The following RBFOX1 variants were observed in gnomAD, a reference collection of about 807,000 sequenced individuals.
RBFOX1 encodes the protein RNA binding protein fox-1 homolog 1.
Under a neutral mutation model 57.7 loss-of-function variants are expected in RBFOX1, and 8 were observed. The observed-to-expected ratio is 0.14, with a 90% CI of 0.08 to 0.25. The LOEUF is 0.25. Among genes scored for constraint, RBFOX1 ranks in the 10% least tolerant of loss-of-function variants. The pLI is 1.00. For synonymous variants in RBFOX1, 326 were observed against 222.4 expected (o/e 1.47, Z -4.15); for missense variants, 611 against 548.5 (o/e 1.11, Z -1.14).
intron 1 of RBFOX1, among the ~76,000 whole-genome samples, chr16:6,025,670 T>G (rs2095177236): frequency 6.6e-6 from 1 of 152,102 alleles, no homozygotes; most frequent in Non-Finnish European, 1.5e-5. Flanking sequence ...GATTCTCCCA[T>G]TGGTAGGTGT....
chr16:6,590,533 G>A (rs1268033152), intron 2 of RBFOX1, among the ~76,000 whole-genome samples: 1 of 152,124 alleles, frequency 6.6e-6, no homozygotes, highest in African/African-American at 2.4e-5. Flanking sequence ...TTCAATGAGA[G>A]CCCCCTGCGA....
At chr16:5,259,783 G>C (rs555800648) in intron 1 of RBFOX1, among the ~76,000 whole-genome samples, 1 of 152,200 alleles carries the variant, frequency 6.6e-6, no homozygotes, top group Non-Finnish European at 1.5e-5. Flanking sequence ...TGCCAAAAGC[G>C]TTTTGTGGGA....
chr16:6,924,929 C>T (rs979731753), intron 3 of RBFOX1, among the ~76,000 whole-genome samples: 1 of 145,080 alleles, frequency 6.9e-6, no homozygotes, highest in Non-Finnish European at 1.5e-5. Flanking sequence ...TGAGTGAGAA[C>T]ATGCGGTGTT....
Position 7,712,502 on chromosome 16 carries a change from A to G in RBFOX1, c.*1757A>G, listed in dbSNP as rs1196204385. On this transcript the variant is annotated 3_prime_UTR_variant, in exon 16 of 16. Transcript: ENST00000550418. ...ATAAAGTTTCACAAGATTTGAAAAC[A>G]AAGTTTCTGTAGCTTCGATACCTAA... 6.5e-6 allele frequency: 1 copy of G among 152,684 alleles called. No individual in the cohort carries two copies. Among genetic ancestry groups the G allele is most frequent in the Non-Finnish European group, 1.5e-5 (1 of 68,060 alleles). The allele number at this position is 152,684 out of a possible 1,614,324, so 9.5% of individuals were successfully genotyped here.
chr16:7,201,939 C>T (rs1396494572), intron 4 of RBFOX1, among the ~76,000 whole-genome samples: 1 of 152,144 alleles, frequency 6.6e-6, no homozygotes, highest in Non-Finnish European at 1.5e-5. Flanking sequence ...AGAGGTAACA[C>T]TGGCAGAACT....
intron 5 of RBFOX1, among the ~76,000 whole-genome samples, chr16:7,565,225 T>A (rs1015539181): frequency 1.8e-4 from 27 of 152,266 alleles, no homozygotes; most frequent in African/African-American, 6.0e-4. Context: ...TGTGCAATAT[T>A]GTCTAATTTA....
chr16:7,118,551 A>C (rs2151748746), intron 4 of RBFOX1, among the ~76,000 whole-genome samples: 1 of 152,258 alleles, frequency 6.6e-6, no homozygotes, highest in African/African-American at 2.4e-5. Context: ...TGTAAGCAAA[A>C]GCCACCTGTG....
At chr16:7,455,767 C>G (rs1598846730) in intron 4 of RBFOX1, among the ~76,000 whole-genome samples, 1 of 101,662 alleles carries the variant, frequency 9.8e-6, no homozygotes, top group Admixed American at 1.5e-4. Context: ...AGCCTGGGAA[C>G]AGAATGAGAC....
chr16:6,722,955 C>T (rs1276613863), intron 3 of RBFOX1, among the ~76,000 whole-genome samples: 1 of 152,132 alleles, frequency 6.6e-6, no homozygotes, highest in Non-Finnish European at 1.5e-5. Flanking sequence ...CTAGGCAAGT[C>T]AGGAGTTCTG....
intron 2 of RBFOX1, among the ~76,000 whole-genome samples, chr16:6,606,794 A>G (rs1000359157): frequency 1.3e-5 from 2 of 152,150 alleles, no homozygotes; most frequent in African/African-American, 4.8e-5. Context: ...TCTTTGCTAC[A>G]GTGAATAGTG....
chr16:6,122,632 A>T lies in RBFOX1; in HGVS notation c.-127+102640A>T, dbSNP rs1039608261. ...CGCTCCCCATTAATGATTGACTGAC[A>T]GTGGGTGGCCAATGTGCTGAGTCAG... On this transcript the variant is annotated intron_variant, in intron 1 of 15. Transcript: ENST00000550418. Among the ~76,000 whole-genome samples, 8 of 152,220 alleles carry T rather than the reference A, an allele frequency of 5.3e-5. No homozygotes were observed. In the East Asian group the frequency reaches 1.5e-3, roughly 29 times the overall value.
chr16:7,475,088 A>G (rs1420727410), intron 4 of RBFOX1, among the ~76,000 whole-genome samples: 2 of 152,142 alleles, frequency 1.3e-5, no homozygotes, highest in African/African-American at 4.8e-5. Context: ...GAAGAGTTTA[A>G]AAGAGACAGA....
At chr16:7,163,125 G>A (rs1443338508) in intron 4 of RBFOX1, among the ~76,000 whole-genome samples, 2 of 152,154 alleles carry the variant, frequency 1.3e-5, no homozygotes, top group African/African-American at 2.4e-5. Flanking sequence ...GAATGCATCT[G>A]CAGCTCAACA....
intron 3 of RBFOX1, among the ~76,000 whole-genome samples, chr16:7,000,603 T>C (rs532208400): frequency 0.025 from 3,282 of 130,208 alleles, 167 homozygotes; most frequent in African/African-American, 0.097. Context: ...TTTCTTTTTT[T>C]TTTTTTTTTT....
At chr16:6,530,161 G>C (rs2096636896) in intron 2 of RBFOX1, among the ~76,000 whole-genome samples, 1 of 152,206 alleles carries the variant, frequency 6.6e-6, no homozygotes, top group African/African-American at 2.4e-5. Context: ...TTAGAATGAA[G>C]AGGGAGGATT....
At chr16:7,664,710 C>T (rs770105140) in intron 12 of RBFOX1, 20 of 714,110 alleles carry the variant, frequency 2.8e-5, no homozygotes, top group Admixed American at 8.7e-5. Context: ...ACCGCCACCA[C>T]CACATCCTAA....
chr16:5,921,661 G>A (rs1168617167), intron 4 of RBFOX1, among the ~76,000 whole-genome samples: 1 of 152,140 alleles, frequency 6.6e-6, no homozygotes, highest in African/African-American at 2.4e-5. Context: ...CTGAGGCTGG[G>A]TAATTTATAA....
chr16:7,494,528 A>G (rs750567822), intron 4 of RBFOX1, among the ~76,000 whole-genome samples: 79 of 152,348 alleles, frequency 5.2e-4, no homozygotes, highest in African/African-American at 1.7e-3. Context: ...TTAAATAACA[A>G]TAACAGCAAT....
At chr16:6,824,226 G>A (rs534247028) in intron 3 of RBFOX1, among the ~76,000 whole-genome samples, 2 of 152,294 alleles carry the variant, frequency 1.3e-5, no homozygotes, top group African/African-American at 2.4e-5. Context: ...CCAACATGGC[G>A]AAACTCCATC....
Sources: allele counts gnomAD v4.1 joint callset (sites outside exome capture counted in the v4.1 genomes callset), GRCh38; gene constraint gnomAD v4.1.1; transcripts MANE v1.5; gene names NCBI Gene and HGNC (gene_info 2026-07-23, HGNC 2026-07-21).